The following SMG7 variants were observed in gnomAD, a reference collection of about 807,000 sequenced individuals.
The protein encoded by SMG7 is nonsense-mediated mRNA decay factor SMG7.
In SMG7, 34 loss-of-function variants were observed where a neutral mutation model predicts 148.2. The ratio of observed to expected loss-of-function variants is 0.23; its 90% CI spans 0.17 to 0.31. SMG7 has a LOEUF of 0.31. Among genes scored for constraint, SMG7 ranks in the 10% least tolerant of loss-of-function variants. The pLI, the probability that SMG7 is intolerant of heterozygous loss-of-function variation, is 1.00. For missense variants in SMG7, 1,114 were observed against 1,408.4 expected (o/e 0.79, Z 3.35); for synonymous variants, 492 against 515.1 (o/e 0.96, Z 0.61).
At chr1:183,516,482 A>G (rs57914180) in intron 3 of SMG7, among the ~76,000 whole-genome samples, 2,155 of 152,272 alleles carry the variant, frequency 0.014, 53 homozygotes, top group African/African-American at 0.048. Context: ...TAAAATGAAA[A>G]ATTTTGTGTA....
At position 183,478,889 on chromosome 1, in the gene SMG7, A is replaced by G. The variant is rs73051944; in HGVS notation, c.29+6240A>G. ...CATCTGTTTGTAGGTATATTGGCAG[A>G]TGGCCATTATATATTGCCATTAAAG... On this transcript the variant is annotated intron_variant, in intron 1 of 22. Coordinates refer to ENST00000688051, the MANE Select transcript of SMG7 (RefSeq NM_001375584.1). 8.7e-3 allele frequency among the ~76,000 whole-genome samples: 1,332 copies of G among 152,284 alleles called. 19 individuals carry two copies. The highest frequency in any genetic ancestry group is 0.031 in the African/African-American group (1,280 of 41,558).
intron 14 of SMG7, among the ~76,000 whole-genome samples, chr1:183,544,002 C>G (rs149878593): frequency 3.4e-4 from 52 of 152,104 alleles, no homozygotes; most frequent in African/African-American, 1.1e-3. Flanking sequence ...TATAGAGAAC[C>G]CTGGGCCCCA....
rs985353163 is a variant in SMG7, at chr1:183,553,445, G to C, written c.*1514G>C. 20 of 482,216 alleles carry C rather than the reference G, an allele frequency of 4.1e-5. No homozygotes were observed. The highest frequency in any genetic ancestry group is 6.4e-5 in the Non-Finnish European group (17 of 264,492). The allele number at this position is 482,216 out of a possible 1,614,324, so 29.9% of individuals were successfully genotyped here. ...CCATCTGCTGTCCCAGAGGGGAGGG[G>C]TTGTGTGTGCGAGTGTATGGAGTTA... On this transcript the variant is annotated 3_prime_UTR_variant, in exon 23 of 23. Transcript: ENST00000688051.
At chr1:183,492,782 AG>A (rs1307975145) in intron 1 of SMG7, among the ~76,000 whole-genome samples, 1 of 151,952 alleles carries the variant, frequency 6.6e-6, no homozygotes, top group African/African-American at 2.4e-5. Context: ...TTAGATGCTT[AG>A]GTAGATGCTT....
At position 183,526,649 on chromosome 1, in the gene SMG7, G is replaced by T; in HGVS notation, c.366G>T (p.Lys122Asn). ...ATGTAGATTTACCATGCCGTGTGAA[G>T]TCTTCCCAATTGGGAATTATCAGCA... ...VFNVDLPCRV[K>N]SSQLGIISNK... The change falls in exon 5 of 23, where the codon AAG (lysine) becomes AAT (asparagine). Residue 122 changes from lysine (K) to asparagine (N), a missense_variant. Lys to Asn is a moderately conservative substitution (Grantham distance 94). Coordinates refer to ENST00000688051, the MANE Select transcript of SMG7 (RefSeq NM_001375584.1). The T allele has an allele frequency of 6.2e-7, 1 of 1,613,484 alleles. No individual in the cohort carries two copies. Among genetic ancestry groups the T allele is most frequent in the Non-Finnish European group, 8.5e-7 (1 of 1,179,516 alleles).
chr1:183,543,686 C>T (rs1669369387), intron 14 of SMG7, among the ~76,000 whole-genome samples: 1 of 152,166 alleles, frequency 6.6e-6, no homozygotes, highest in South Asian at 2.1e-4. Flanking sequence ...AACATATCAC[C>T]ACACTCTGTA....
In SMG7 at chr1:183,502,196, A is replaced by AT. The variant is rs923042152; in HGVS notation, c.30-10640dup. On this transcript the variant is annotated intron_variant, in intron 1 of 22. Coordinates refer to ENST00000688051, the MANE Select transcript of SMG7 (RefSeq NM_001375584.1). ...AAATAAAGATAAAATAATTTTCTTCATAGGGGTTCTCTGTTATTGTGGGTT... is the reference window on the plus strand; with the variant it reads ...AAATAAAGATAAAATAATTTTCTTCATTAGGGGTTCTCTGTTATTGTGGGTT... 74 of 1,137,298 alleles carry AT rather than the reference A, an allele frequency of 6.5e-5. No homozygotes were observed. In the Middle Eastern group the frequency reaches 1.8e-3, roughly 27 times the overall value. The allele number at this position is 1,137,298 out of a possible 1,614,324, so 70.5% of individuals were successfully genotyped here. A position where few individuals can be genotyped will look rare whatever the true frequency, so the allele number is the denominator to read the frequency against.
chr1:183,544,916 C>T lies in SMG7; in HGVS notation c.1988-14C>T. 2 of 1,603,586 alleles carry T rather than the reference C, an allele frequency of 1.2e-6. No homozygotes were observed. The highest frequency in any genetic ancestry group is 1.7e-5 in the Admixed American group (1 of 58,638). On this transcript the variant is annotated splice_polypyrimidine_tract_variant and intron_variant, in intron 15 of 22. Coordinates refer to ENST00000688051, the MANE Select transcript of SMG7 (RefSeq NM_001375584.1). The stretch of plus-strand genomic sequence containing the variant: ...GTTTCCTTAAAACTAAAGCTGTGTT[C>T]TTCTGTTTTGAAGGGTTTCCGCCCC...
chr1:183,506,208 A>C (rs1238929368), intron 1 of SMG7, among the ~76,000 whole-genome samples: 10 of 152,186 alleles, frequency 6.6e-5, no homozygotes, highest in African/African-American at 9.6e-5. Flanking sequence ...AAAACTAGGT[A>C]CACATTTTTA....
intron 1 of SMG7, among the ~76,000 whole-genome samples, chr1:183,509,623 T>A (rs1314182077): frequency 6.6e-6 from 1 of 152,196 alleles, no homozygotes; most frequent in Non-Finnish European, 1.5e-5. Flanking sequence ...AGCTAATAAT[T>A]GTCATTATTA....
rs1303792041 is a variant in SMG7 at position 183,541,115 on chromosome 1, A to G, written c.1415+12A>G. The G allele has an allele frequency of 6.2e-7, 1 of 1,611,676 alleles. No homozygotes were observed. Among genetic ancestry groups the G allele is most frequent in the Non-Finnish European group, 8.5e-7 (1 of 1,178,454 alleles). ...GATAATCAGCCAAGGTAAGTCTGGA[A>G]CTTCTGGTCTACCCCTTTTTAACCA... On this transcript the variant is annotated intron_variant, in intron 13 of 22. Transcript: ENST00000688051.
intron 1 of SMG7, among the ~76,000 whole-genome samples, chr1:183,475,694 G>A (rs1651990870): frequency 6.6e-6 from 1 of 152,154 alleles, no homozygotes; most frequent in Admixed American, 6.5e-5. Context: ...TACTGGCAGT[G>A]GATCTAGAAA....
chr1:183,531,581 A>G (rs185970107), intron 8 of SMG7, among the ~76,000 whole-genome samples: 55 of 152,268 alleles, frequency 3.6e-4, no homozygotes, highest in African/African-American at 1.3e-3. Context: ...TTTTAGAGAT[A>G]TAGGGGAAAA....
intron 1 of SMG7, among the ~76,000 whole-genome samples, chr1:183,474,399 CT>C (rs967410293): frequency 1.3e-5 from 2 of 152,128 alleles, no homozygotes; most frequent in Admixed American, 1.3e-4. Flanking sequence ...CACGTCTCTA[CT>C]AAAAATACAA....
chr1:183,486,564 C>G (rs1412551278), intron 1 of SMG7, among the ~76,000 whole-genome samples: 1 of 152,188 alleles, frequency 6.6e-6, no homozygotes, highest in African/African-American at 2.4e-5. Context: ...GCGCCCGCCA[C>G]CACGCCTGGC....
In SMG7 at chr1:183,552,934, ATTG is replaced by A. The variant is rs1671286010; in HGVS notation, c.*1006_*1008del. ...TTTTACCCAATGCTGTATGCTAGTAATTGTTTTTATTCCTAATGTGTGCAACAT... is the reference window on the plus strand; with the variant it reads ...TTTTACCCAATGCTGTATGCTAGTAATTTTTATTCCTAATGTGTGCAACAT... On this transcript the variant is annotated 3_prime_UTR_variant, in exon 23 of 23. Transcript: ENST00000688051. 2 of 1,523,920 alleles carry A rather than the reference ATTG, an allele frequency of 1.3e-6. No homozygotes were observed. The highest frequency in any genetic ancestry group is 1.8e-6 in the Non-Finnish European group (2 of 1,137,832). 94.4% of individuals were successfully genotyped at this position (1,523,920 alleles called of 1,614,324 possible).
intron 1 of SMG7, among the ~76,000 whole-genome samples, chr1:183,498,822 T>A (rs2102293024): frequency 6.6e-6 from 1 of 152,356 alleles, no homozygotes; most frequent in East Asian, 1.9e-4. Flanking sequence ...TCTGTGGGTT[T>A]GGACCAGTGT....
At chr1:183,503,831 T>C (rs528524172) in intron 1 of SMG7, among the ~76,000 whole-genome samples, 2 of 152,374 alleles carry the variant, frequency 1.3e-5, no homozygotes, top group East Asian at 1.9e-4. Flanking sequence ...CCTCATTTTA[T>C]GGATGAGGAA....
intron 4 of SMG7, among the ~76,000 whole-genome samples, chr1:183,525,528 A>G (rs576661041): frequency 5.9e-5 from 9 of 152,326 alleles, no homozygotes; most frequent in African/African-American, 7.2e-5. Context: ...AAAGGTTGCT[A>G]TAAAGTCAAG....
Sources: gnomAD v4.1 joint callset for allele counts (sites outside exome capture counted in the v4.1 genomes callset) on GRCh38, gnomAD v4.1.1 for gene constraint, MANE v1.5 for transcripts, NCBI Gene and HGNC (gene_info 2026-07-23, HGNC 2026-07-21) for gene names.